MYT1L: variants seen among roughly 807,000 people sequenced by gnomAD.
The protein encoded by MYT1L is myelin transcription factor 1 like.
Under a neutral mutation model 126.7 loss-of-function variants are expected in MYT1L, and 12 were observed. The observed-to-expected ratio is 0.09, with a 90% confidence interval of 0.06 to 0.15. The LOEUF is 0.15. MYT1L is among the 10% of genes least tolerant of loss of function. MYT1L has a pLI of 1.00. For synonymous variants in MYT1L, 541 were observed against 604.2 expected, an observed-to-expected ratio of 0.90 and a Z score of 1.53; for missense variants, 979 against 1,585.2, an observed-to-expected ratio of 0.62 and a Z score of 6.49.
At chr2:1,916,047 G>T (rs2052775481) in intron 11 of MYT1L, among the ~76,000 whole-genome samples, 1 of 152,160 alleles carries the variant, frequency 6.6e-6, no homozygotes, top group Non-Finnish European at 1.5e-5. Context: ...CGGGATTGGA[G>T]CCACTCGCTC....
At position 1,958,297 on chromosome 2, in the gene MYT1L, G is replaced by A. The variant is rs566136829; in HGVS notation, c.153-14963C>T. 3.9e-5 allele frequency among the ~76,000 whole-genome samples: 6 copies of A among 151,974 alleles called. No homozygotes were observed. The South Asian group carries it at 1.3e-3, about 32-fold the overall frequency. The stretch of plus-strand genomic sequence containing the variant: ...ACCCAGAGAGCCGGAGGATGAGGAG[G>A]TGGCTACTGCAGATGGAACCCAGAG... On this transcript the variant is annotated intron_variant, in intron 8 of 24. Coordinates refer to ENST00000647738, the MANE Select transcript of MYT1L (RefSeq NM_001303052.2).
rs529788344 is a variant in MYT1L, at chr2:2,109,017, C to A, written c.-303-54894G>T. ...CTCCCTGTCTATACCCCAGCCTGAT[C>A]CCAACAAGGCCAAAGAGACACAGCA... On this transcript the variant is annotated intron_variant, in intron 3 of 24. Coordinates refer to ENST00000647738, the MANE Select transcript of MYT1L (RefSeq NM_001303052.2). 2.0e-5 allele frequency among the ~76,000 whole-genome samples: 3 copies of A among 152,280 alleles called. No homozygotes were observed. In the South Asian group the frequency reaches 6.2e-4, roughly 32 times the overall value.
intron 3 of MYT1L, among the ~76,000 whole-genome samples, chr2:2,093,552 G>A (rs2077120913): frequency 2.0e-5 from 3 of 151,988 alleles, no homozygotes; most frequent in Admixed American, 6.5e-5. Context: ...TTTTTTTCTT[G>A]TAAATTTGTT....
At chr2:1,866,718 G>A (rs1310206371) in intron 18 of MYT1L, among the ~76,000 whole-genome samples, 1 of 86,902 alleles carries the variant, frequency 1.2e-5, no homozygotes, top group African/African-American at 4.5e-5. Flanking sequence ...AGAGAGAGAG[G>A]CAGAGAGGGA....
At chr2:2,037,165 T>C (rs1327923804) in intron 4 of MYT1L, among the ~76,000 whole-genome samples, 1 of 152,244 alleles carries the variant, frequency 6.6e-6, no homozygotes, top group Admixed American at 6.5e-5. Flanking sequence ...CCATCTCGTT[T>C]GTTCCTCACC....
chr2:2,278,685 G>A (rs2095403394), intron 2 of MYT1L, among the ~76,000 whole-genome samples: 1 of 152,152 alleles, frequency 6.6e-6, no homozygotes, highest in African/African-American at 2.4e-5. Flanking sequence ...CAGTAATTAT[G>A]TAATATCATG....
At chr2:2,004,417 GCGT>G (rs1558699692) in intron 4 of MYT1L, among the ~76,000 whole-genome samples, 1 of 145,648 alleles carries the variant, frequency 6.9e-6, no homozygotes, top group African/African-American at 2.6e-5. Context: ...TTTCCTGCAT[GCGT>G]TCTTTCCTGC....
chr2:1,983,330 G>A (rs1352982385), intron 5 of MYT1L, among the ~76,000 whole-genome samples: 1 of 152,226 alleles, frequency 6.6e-6, no homozygotes, highest in Non-Finnish European at 1.5e-5. Flanking sequence ...ACACTAAACA[G>A]ATGGGGTTCC....
At position 1,922,360 on chromosome 2, in the gene MYT1L, G is replaced by A. The variant is rs376914980; in HGVS notation, c.1409C>T (p.Pro470Leu). Reference protein sequence around the residue: ...DNMRSYEDQSPRQLPGEDRKP... With the variant: ...DNMRSYEDQSLRQLPGEDRKP... ...TCTGTCCTCCCCGGGAAGTTGTCTC[G>A]GAGACTGGTCCTCATATGACCTCAT... is the stretch of plus-strand genomic sequence containing the variant. The change falls in exon 10 of 25, where the codon CCG (proline) becomes CTG (leucine). Residue 470 changes from proline to leucine, a missense_variant. Coordinates refer to ENST00000647738, the MANE Select transcript of MYT1L (RefSeq NM_001303052.2). This position sits in a 1 kb window ranked among gnomAD's most constrained non-coding sequence, Gnocchi z 7.4. 4.3e-5 allele frequency: 69 copies of A among 1,613,770 alleles called. No individual in the cohort carries two copies. Among genetic ancestry groups the A allele is most frequent in the South Asian group, 1.3e-4 (12 of 91,068 alleles).
chr2:1,859,674 G>A (rs944007980), intron 18 of MYT1L, among the ~76,000 whole-genome samples: 1 of 152,230 alleles, frequency 6.6e-6, no homozygotes, highest in Non-Finnish European at 1.5e-5. Context: ...GCTGACAGCA[G>A]GAATATTGGC....
chr2:1,993,882 C>A (rs1251371296), intron 5 of MYT1L, among the ~76,000 whole-genome samples: 1 of 152,196 alleles, frequency 6.6e-6, no homozygotes, highest in African/African-American at 2.4e-5. Flanking sequence ...CGTTCTCTCA[C>A]ACCCTCACCG....
chr2:1,798,718 A>G (rs1439852206), intron 23 of MYT1L, among the ~76,000 whole-genome samples: 2 of 152,242 alleles, frequency 1.3e-5, no homozygotes, highest in Non-Finnish European at 2.9e-5. Flanking sequence ...GGCACGGGAA[A>G]GTCAGGACCT....
rs575262383 is a variant in MYT1L at position 1,837,574 on chromosome 2, C to T, written c.3080+1575G>A. 1.2e-4 allele frequency among the ~76,000 whole-genome samples: 19 copies of T among 152,216 alleles called. No individual in the cohort carries two copies. In the South Asian group the frequency reaches 2.9e-3, roughly 23 times the overall value. On this transcript the variant is annotated intron_variant, in intron 21 of 24. Coordinates refer to ENST00000647738, the MANE Select transcript of MYT1L (RefSeq NM_001303052.2). ...GGACATGGAGTTGTGTGCACAAGGACGTTCACGCGGAGTTCTTTGTAACAA... is the reference window on the plus strand; with the variant it reads ...GGACATGGAGTTGTGTGCACAAGGATGTTCACGCGGAGTTCTTTGTAACAA...
chr2:2,268,285 A>C (rs79450762), intron 2 of MYT1L, among the ~76,000 whole-genome samples: 7,789 of 152,258 alleles, frequency 0.051, 275 homozygotes, highest in Middle Eastern at 0.11. Flanking sequence ...ACAGAAATTT[A>C]CTTTTCACAC....
intron 3 of MYT1L, among the ~76,000 whole-genome samples, chr2:2,165,184 C>T (rs1015812895): frequency 1.3e-5 from 2 of 152,150 alleles, no homozygotes; most frequent in African/African-American, 4.8e-5. Flanking sequence ...CTATGATCTA[C>T]CTCTGACAGT....
At chr2:1,857,763 A>C (rs911056921) in intron 18 of MYT1L, among the ~76,000 whole-genome samples, 4 of 152,206 alleles carry the variant, frequency 2.6e-5, no homozygotes, top group Non-Finnish European at 5.9e-5. Context: ...TTCAATTTTA[A>C]AACTTGTTTT....
At chr2:1,810,919 G>A (rs1221922641) in intron 21 of MYT1L, among the ~76,000 whole-genome samples, 1 of 152,088 alleles carries the variant, frequency 6.6e-6, no homozygotes, top group South Asian at 2.1e-4. Flanking sequence ...GCCTGACTGT[G>A]TCCCCTGAAA....
At chr2:1,969,869 TC>T (rs1023042717) in intron 8 of MYT1L, among the ~76,000 whole-genome samples, 10 of 152,134 alleles carry the variant, frequency 6.6e-5, no homozygotes, top group African/African-American at 2.4e-4. Flanking sequence ...CCTCGGCACT[TC>T]CTCTCAACAT....
At chr2:2,053,665 G>C (rs991842479) in intron 4 of MYT1L, among the ~76,000 whole-genome samples, 1 of 152,106 alleles carries the variant, frequency 6.6e-6, no homozygotes, top group Non-Finnish European at 1.5e-5. Flanking sequence ...CTTTGTACAA[G>C]GGAGCTTCTC....
Sources: gnomAD v4.1 joint callset for allele counts (sites outside exome capture counted in the v4.1 genomes callset) on GRCh38, gnomAD v4.1.1 for gene constraint, Gnocchi (gnomAD v3.1) non-coding constraint, MANE v1.5 for transcripts, NCBI Gene and HGNC (gene_info 2026-07-23, HGNC 2026-07-21) for gene names.